PAPPA2: variants seen among roughly 807,000 people sequenced by gnomAD.
PAPPA2 encodes pappalysin-2.
PAPPA2 carries 86 observed loss-of-function variants against 176.4 expected under a neutral mutation model. That is an observed-to-expected ratio of 0.49 (90% CI 0.41 to 0.58). PAPPA2 has a LOEUF of 0.58. PAPPA2 is among the 20% of genes least tolerant of loss of function. The pLI is 0.00. For missense variants in PAPPA2, 2,073 were observed against 2,256.9 expected, an observed-to-expected ratio of 0.92 and a Z score of 1.65; for synonymous variants, 809 against 852.2, an observed-to-expected ratio of 0.95 and a Z score of 0.88.
At chr1:176,702,540 C>T in intron 8 of PAPPA2, 67 bp from the exon 9 acceptor site, 1 of 1,586,194 alleles carries the variant, frequency 6.3e-7, no homozygotes. Context: ...TGTGAACCAT[C>T]AACAAAGGAC....
chr1:176,598,697 T>G (rs893976391), intron 3 of PAPPA2, among the ~76,000 whole-genome samples: 6 of 152,178 alleles, frequency 3.9e-5, no homozygotes, highest in Non-Finnish European at 7.4e-5. Context: ...GTTCTAACAC[T>G]AAATAAAACT....
chr1:176,769,667 G>C lies in PAPPA2; in HGVS notation c.4384G>C (p.Val1462Leu). 4 of 1,613,828 alleles carry C rather than the reference G, an allele frequency of 2.5e-6. No homozygotes were observed. Among genetic ancestry groups the C allele is most frequent in the Non-Finnish European group, 3.4e-6 (4 of 1,179,936 alleles). The change falls in exon 16 of 23, where the codon GTG (valine) becomes CTG (leucine). Residue 1462 changes from valine (V) to leucine (L), a missense_variant. Val to Leu is a conservative substitution (Grantham distance 32). Around this residue, in one of 4 missense-constraint regions of PAPPA2, gnomAD observed 846 missense variants for 857.9 expected, o/e 0.99. Coordinates refer to ENST00000367662, the MANE Select transcript of PAPPA2 (RefSeq NM_020318.3). The part of the protein sequence containing the change: ...HWDQNVSCLP[V>L]DCGVPDPSLV... ...GGACCAGAATGTGAGCTGCCTTCCCGTGGACTGCGGTGTTCCCGACCCGTC... is the reference window on the plus strand; with the variant it reads ...GGACCAGAATGTGAGCTGCCTTCCCCTGGACTGCGGTGTTCCCGACCCGTC...
At chr1:176,615,579 G>A (rs1272377979) in intron 3 of PAPPA2, among the ~76,000 whole-genome samples, 3 of 151,964 alleles carry the variant, frequency 2.0e-5, no homozygotes, top group Admixed American at 6.6e-5. Context: ...CACCCGCTTC[G>A]GCCTCCCAAA....
intron 1 of PAPPA2, among the ~76,000 whole-genome samples, chr1:176,536,556 G>T (rs1460202362): frequency 6.6e-6 from 1 of 152,116 alleles, no homozygotes; most frequent in Admixed American, 6.6e-5. Flanking sequence ...GGTTAGATTT[G>T]GTTACCTGTG....
intron 12 of PAPPA2, among the ~76,000 whole-genome samples, chr1:176,731,484 G>A (rs996294270): frequency 3.3e-5 from 5 of 151,588 alleles, no homozygotes; most frequent in African/African-American, 1.2e-4. Flanking sequence ...TCTTTTCTTT[G>A]TATTTTCAGT....
chr1:176,820,731 A>G (rs1039294782), intron 21 of PAPPA2, among the ~76,000 whole-genome samples: 29 of 152,144 alleles, frequency 1.9e-4, no homozygotes, highest in African/African-American at 6.7e-4. Context: ...CCTGATTCAT[A>G]CTTGGCCAGC....
Position 176,659,858 on chromosome 1 carries a change from A to G in PAPPA2, c.1992-11112A>G, listed in dbSNP as rs1415640289. On this transcript the variant is annotated intron_variant, in intron 3 of 22. Transcript: ENST00000367662. ...AGGGATGTCATTTCTTAACAACTAT[A>G]ATTTGATAAGGCTCTCTATATACTG... Among the ~76,000 whole-genome samples, 6 of 152,122 alleles carry G rather than the reference A, an allele frequency of 3.9e-5. No homozygotes were observed. In the East Asian group the frequency reaches 5.8e-4, roughly 15 times the overall value.
intron 1 of PAPPA2, among the ~76,000 whole-genome samples, chr1:176,512,208 A>C (rs183737027): frequency 3.0e-5 from 4 of 134,896 alleles, no homozygotes; most frequent in Non-Finnish European, 6.3e-5. Flanking sequence ...CATCTTTACT[A>C]AGACTAAATT....
chr1:176,521,499 C>A (rs951152641), intron 1 of PAPPA2, among the ~76,000 whole-genome samples: 1 of 152,180 alleles, frequency 6.6e-6, no homozygotes, highest in Non-Finnish European at 1.5e-5. Flanking sequence ...ACCTACACCA[C>A]ATGAAGCAGA....
At chr1:176,543,537 G>A (rs903805038) in intron 1 of PAPPA2, among the ~76,000 whole-genome samples, 1 of 151,978 alleles carries the variant, frequency 6.6e-6, no homozygotes, top group African/African-American at 2.4e-5. Flanking sequence ...TTCCTGTGGA[G>A]GTTTAGCTCA....
At chr1:176,628,842 T>G (rs1179404398) in intron 3 of PAPPA2, among the ~76,000 whole-genome samples, 1 of 152,262 alleles carries the variant, frequency 6.6e-6, no homozygotes. Flanking sequence ...ATGGATAAAG[T>G]TCGATCTTTC....
chr1:176,785,617 G>A (rs967024252), intron 17 of PAPPA2, among the ~76,000 whole-genome samples: 18 of 152,086 alleles, frequency 1.2e-4, no homozygotes, highest in Admixed American at 1.1e-3. Context: ...TCCAGTCTGG[G>A]TCCGGTGTAA....
intron 21 of PAPPA2, among the ~76,000 whole-genome samples, chr1:176,803,098 T>C (rs890091264): frequency 6.6e-6 from 1 of 152,230 alleles, no homozygotes; most frequent in Non-Finnish European, 1.5e-5. Context: ...ATCTTCTGTT[T>C]CTTTCGTAAA....
chr1:176,702,540 C>A, intron 8 of PAPPA2, 67 bp from the exon 9 acceptor site: 1 of 1,586,194 alleles, frequency 6.3e-7, no homozygotes, highest in South Asian at 1.1e-5. Context: ...TGTGAACCAT[C>A]AACAAAGGAC....
rs1553376002 is a variant in PAPPA2, at chr1:176,623,758, C to CTTTCTTTCTTTCTTT, written c.1991+28163_1991+28164insTTTCTTTCTTTCTTT. Among the ~76,000 whole-genome samples, 47 of 59,060 alleles carry CTTTCTTTCTTTCTTT rather than the reference C, an allele frequency of 8.0e-4. 1 individual carries two copies. The highest frequency in any genetic ancestry group is 1.9e-3 in the Admixed American group (9 of 4,748). The allele number at this position is 59,060 out of a possible 152,430, so 38.7% of individuals were successfully genotyped here. A position where few individuals can be genotyped will look rare whatever the true frequency, so the allele number is the denominator to read the frequency against. ...TTTCTTTCTCTCTCTTTCCTTCCTT[C>CTTTCTTTCTTTCTTT]CTTTCTTTCTTTCTTTCTTTCTTTC... is the stretch of plus-strand genomic sequence containing the variant. On this transcript the variant is annotated intron_variant, in intron 3 of 22. Transcript: ENST00000367662.
chr1:176,480,393 C>G (rs1652337391), intron 1 of PAPPA2, among the ~76,000 whole-genome samples: 2 of 152,164 alleles, frequency 1.3e-5, no homozygotes, highest in African/African-American at 4.8e-5. Flanking sequence ...GATTCCAGTC[C>G]TGAGGGACAG....
intron 1 of PAPPA2, among the ~76,000 whole-genome samples, chr1:176,490,180 A>C (rs1166141419): frequency 1.3e-5 from 2 of 151,842 alleles, no homozygotes. Context: ...TTTTCCATTA[A>C]TGATAAGCCT....
At chr1:176,690,688 TA>T in intron 5 of PAPPA2, 3 of 1,267,658 alleles carry the variant, frequency 2.4e-6, no homozygotes, top group Non-Finnish European at 3.0e-6. Flanking sequence ...TCCTCGATAG[TA>T]AAAAAGGCAC....
intron 1 of PAPPA2, among the ~76,000 whole-genome samples, chr1:176,494,806 C>T (rs1024302496): frequency 1.3e-5 from 2 of 152,154 alleles, no homozygotes; most frequent in East Asian, 1.9e-4. Flanking sequence ...AAATCTAAGC[C>T]GGATGCAAAT....
Sources: gnomAD v4.1 joint callset for allele counts (sites outside exome capture counted in the v4.1 genomes callset) on GRCh38, gnomAD v4.1.1 for gene constraint, gnomAD v4.1.1 regional missense constraint, MANE v1.5 for transcripts, NCBI Gene and HGNC (gene_info 2026-07-23, HGNC 2026-07-21) for gene names.